LTBP4: variants seen among roughly 807,000 people sequenced by gnomAD.
LTBP4 encodes the protein latent transforming growth factor beta binding protein 4.
In LTBP4, 93 loss-of-function variants were observed where a neutral mutation model predicts 180.2. The observed-to-expected ratio is 0.52, with a 90% CI of 0.44 to 0.61. The LOEUF (loss-of-function observed/expected upper bound fraction) is 0.61. Ranked by LOEUF, LTBP4 falls within the 20% of genes least tolerant of loss-of-function variation. LTBP4 has a pLI of 0.00. For missense variants in LTBP4, 2,116 were observed against 2,256.5 expected, an observed-to-expected ratio of 0.94 and a Z score of 1.26; for synonymous variants, 947 against 934.5, an observed-to-expected ratio of 1.01 and a Z score of -0.24.
rs1373185872 is a variant in LTBP4 at position 40,620,630 on chromosome 19, G to A, written c.3217+1137G>A. Among the ~76,000 whole-genome samples, 10 of 151,940 alleles carry A rather than the reference G, an allele frequency of 6.6e-5. No individual in the cohort carries two copies. In the East Asian group the frequency reaches 2.0e-3, roughly 30 times the overall value. ...GTCTCTACTAAAAATACAAAAATTA[G>A]CTGGGTGTAGTGGTGCACGCCTGTA... On this transcript the variant is annotated intron_variant, in intron 22 of 29. Transcript: ENST00000396819.
upstream of LTBP4, chr19:40,598,519 G>A (rs1370867559): frequency 6.5e-6 from 1 of 152,814 alleles, no homozygotes. Flanking sequence ...GAGACCCTCT[G>A]GGCTGGGAGA....
At chr19:40,612,354 C>A (rs572392932) in intron 15 of LTBP4, among the ~76,000 whole-genome samples, 162 bp downstream of exon 15, 1 of 152,286 alleles carries the variant, frequency 6.6e-6, no homozygotes, top group Admixed American at 6.5e-5. Flanking sequence ...CAACTCTTGA[C>A]CCTGAATGTG....
At position 40,616,247 on chromosome 19, in the gene LTBP4, TC is replaced by T. The variant is rs148182756; in HGVS notation, c.2813-640del. The stretch of plus-strand genomic sequence containing the variant: ...AGGTTGAAGCTCCAGTGAGCCATGA[TC>T]CTGTCACTACACTCCAGCCTGAGCA... On this transcript the variant is annotated intron_variant, in intron 19 of 29. Coordinates refer to ENST00000396819, the MANE Select transcript of LTBP4 (RefSeq NM_001042545.2). 9.3e-3 allele frequency among the ~76,000 whole-genome samples: 1,383 copies of T among 149,166 alleles called. 25 individuals are homozygous for T. Among genetic ancestry groups the T allele is most frequent in the African/African-American group, 0.033 (1,320 of 39,988 alleles).
At chr19:40,598,854 G>T (rs964550291), upstream of LTBP4, among the ~76,000 whole-genome samples, 1 of 152,184 alleles carries the variant, frequency 6.6e-6, no homozygotes, top group African/African-American at 2.4e-5. Context: ...CAGACAGTGC[G>T]GGCTTAGAAA....
Position 40,627,333 on chromosome 19 carries a change from T to C in LTBP4, c.4344T>C (p.Pro1448=). 6.6e-7 allele frequency: 1 copy of C among 1,515,906 alleles called. No individual in the cohort carries two copies. Among genetic ancestry groups the C allele is most frequent in the Non-Finnish European group, 8.8e-7 (1 of 1,133,960 alleles). 93.9% of individuals were successfully genotyped at this position (1,515,906 alleles called of 1,614,324 possible). ...TRRSFPEPEE[P]PEGGSYAGSL... ...GCTCCTTCCCAGAGCCCGAGGAGCC[T>C]CCTGAAGGTGGAAGCTATGCTGGTG... is the stretch of plus-strand genomic sequence containing the variant. Residue 1448 remains proline, a synonymous_variant, in exon 28 of 30, where the codon CCT becomes CCC. Transcript: ENST00000396819.
Position 40,611,883 on chromosome 19 carries a change from C to T in LTBP4, c.2078C>T (p.Pro693Leu), listed in dbSNP as rs937403912. 2 of 1,608,202 alleles carry T rather than the reference C, an allele frequency of 1.2e-6. No individual in the cohort carries two copies. The highest frequency in any genetic ancestry group is 1.7e-5 in the Admixed American group (1 of 59,366). The change falls in exon 14 of 30, where the codon CCC becomes CTC. Residue 693 changes from proline (P) to leucine (L), a missense_variant. Physicochemically the swap from Pro to Leu is moderately conservative, Grantham distance 98. Around this residue, in one of 5 missense-constraint regions of LTBP4, gnomAD observed 877 missense variants for 873.6 expected, o/e 1.00. Transcript: ENST00000396819. This position sits in a 1 kb window ranked among gnomAD's most constrained non-coding sequence, Gnocchi z 4.4. ...CQDVDECARS[P>L]PPCTYGRCEN... Reference sequence around the variant, plus strand: ...GATGTGGATGAGTGTGCCCGAAGCCCCCCACCCTGCACCTACGGCCGGTGT... The same window carrying T: ...GATGTGGATGAGTGTGCCCGAAGCCTCCCACCCTGCACCTACGGCCGGTGT...
chr19:40,614,143 C>T, intron 18 of LTBP4, 105 bp downstream of exon 18: 1 of 1,501,122 alleles, frequency 6.7e-7, no homozygotes, highest in Non-Finnish European at 9.0e-7. Context: ...CCTCCCCTTA[C>T]CTCTTTCCCC....
At chr19:40,596,762 G>C (rs927725834), upstream of LTBP4, among the ~76,000 whole-genome samples, 4 of 152,112 alleles carry the variant, frequency 2.6e-5, no homozygotes, top group African/African-American at 9.7e-5. Context: ...GGGTACCCGT[G>C]GGGGGCTTCC....
intron 1 of LTBP4, 143 bp from the exon 2 acceptor site, chr19:40,604,892 T>C (rs1746261114): frequency 1.4e-6 from 1 of 704,096 alleles, no homozygotes; most frequent in Admixed American, 2.8e-5. Context: ...ACTGGGCCAA[T>C]GCTGATGCCA....
At chr19:40,625,804 T>G in intron 26 of LTBP4, 53 bp from the exon 27 acceptor site, 1 of 1,463,584 alleles carries the variant, frequency 6.8e-7, no homozygotes, top group Non-Finnish European at 9.1e-7. Flanking sequence ...GTCCAGCCCC[T>G]GGGAGGACCT....
At chr19:40,600,016 G>A (rs550337971), upstream of LTBP4, 7 of 978,352 alleles carry the variant, frequency 7.2e-6, no homozygotes, top group South Asian at 3.1e-4. The surrounding 1 kb of genome is among the most constrained non-coding windows in gnomAD (Gnocchi z 4.4). Flanking sequence ...CCCTTTGGTG[G>A]GGAGGTCAGT....
At chr19:40,610,417 T>G in intron 11 of LTBP4, 115 bp from the exon 12 acceptor site, 8 of 1,297,550 alleles carry the variant, frequency 6.2e-6, no homozygotes, top group Non-Finnish European at 8.4e-6. Flanking sequence ...CGGGTCCCCA[T>G]CCTGGCTCTG....
intron 19 of LTBP4, among the ~76,000 whole-genome samples, chr19:40,615,068 C>T (rs2081537370): frequency 6.6e-6 from 1 of 152,092 alleles, no homozygotes. Flanking sequence ...CAGACCCGCC[C>T]CTTGCCTTTT....
intron 29 of LTBP4, 119 bp downstream of exon 29, chr19:40,627,976 G>T (rs1190025221): frequency 1.5e-5 from 20 of 1,345,278 alleles, no homozygotes; most frequent in Non-Finnish European, 2.0e-5. Context: ...ACAGGGGACG[G>T]GCCAGCGCAA....
chr19:40,610,960 T>G (rs10405930), intron 12 of LTBP4, 192 bp from the exon 13 acceptor site: 1 of 790,132 alleles, frequency 1.3e-6, no homozygotes, highest in African/African-American at 1.7e-5. Context: ...GGCCTTCTCA[T>G]GGGGACTACA....
upstream of LTBP4, chr19:40,599,845 C>G: frequency 1.9e-6 from 1 of 529,840 alleles, no homozygotes; most frequent in Non-Finnish European, 3.3e-6. Flanking sequence ...ATGTCTAAGT[C>G]TCTCTGCCCC....
At chr19:40,600,344 G>A (rs2081415254), upstream of LTBP4, among the ~76,000 whole-genome samples, 2 of 152,204 alleles carry the variant, frequency 1.3e-5, no homozygotes, top group South Asian at 2.1e-4. This position sits in a 1 kb window ranked among gnomAD's most constrained non-coding sequence, Gnocchi z 4.4. Context: ...GCCGTGCGAG[G>A]TGAGCCCGGG....
chr19:40,594,707 A>T (rs1265036204), intron 1 of LTBP4, among the ~76,000 whole-genome samples: 1 of 151,986 alleles, frequency 6.6e-6, no homozygotes, highest in Admixed American at 6.6e-5. Context: ...CTGTGAATGG[A>T]GTGTGAGTGC....
chr19:40,625,250 A>G (rs965919175), intron 26 of LTBP4, among the ~76,000 whole-genome samples: 10 of 47,780 alleles, frequency 2.1e-4, no homozygotes, highest in African/African-American at 7.3e-4. Flanking sequence ...TAATTTTTGT[A>G]TTTATATATA....
Sources: allele counts gnomAD v4.1 joint callset (sites outside exome capture counted in the v4.1 genomes callset), GRCh38; gene constraint gnomAD v4.1.1; regional missense constraint gnomAD v4.1.1; non-coding constraint Gnocchi (gnomAD v3.1); transcripts MANE v1.5; gene names NCBI Gene and HGNC (gene_info 2026-07-23, HGNC 2026-07-21).